The following NRG1 variants were observed in gnomAD, a reference collection of about 807,000 sequenced individuals.
NRG1 encodes pro-neuregulin-1, membrane-bound isoform.
A neutral mutation model predicts 63.8 loss-of-function variants in NRG1; 18 were observed. The ratio of observed to expected loss-of-function variants is 0.28; its 90% CI spans 0.19 to 0.42. The LOEUF (loss-of-function observed/expected upper bound fraction) is 0.42. NRG1 is among the 10% of genes least tolerant of loss of function. The pLI, the probability that NRG1 is intolerant of heterozygous loss-of-function variation, is 1.00. For missense variants in NRG1, 762 were observed against 814.7 expected (o/e 0.94, Z 0.79); for synonymous variants, 302 against 301.3 (o/e 1.00, Z -0.02).
intron 1 of NRG1, among the ~76,000 whole-genome samples, chr8:32,037,390 C>T (rs1012372960): frequency 6.6e-6 from 1 of 152,184 alleles, no homozygotes; most frequent in Non-Finnish European, 1.5e-5. Context: ...TGGGAAGTCT[C>T]ACCGACTCAG....
chr8:31,762,722 T>C (rs1817681887), intron 1 of NRG1, among the ~76,000 whole-genome samples: 1 of 152,170 alleles, frequency 6.6e-6, no homozygotes, highest in Non-Finnish European at 1.5e-5. Flanking sequence ...ACTTCCCATA[T>C]AAAGAATTCT....
At chr8:31,734,241 G>T (rs776851382) in intron 1 of NRG1, among the ~76,000 whole-genome samples, 5 of 152,162 alleles carry the variant, frequency 3.3e-5, no homozygotes, top group Non-Finnish European at 7.4e-5. Flanking sequence ...CAGGAAGATC[G>T]CTTGAGCCCA....
intron 1 of NRG1, among the ~76,000 whole-genome samples, chr8:32,493,905 T>C (rs1362573262): frequency 6.6e-6 from 1 of 152,146 alleles, no homozygotes; most frequent in Non-Finnish European, 1.5e-5. Context: ...GGTTATAAAA[T>C]CTATCCTTTT....
intron 1 of NRG1, among the ~76,000 whole-genome samples, chr8:32,272,431 T>C (rs2129472540): frequency 6.6e-6 from 1 of 152,230 alleles, no homozygotes; most frequent in African/African-American, 2.4e-5. Context: ...CTTCAACCCA[T>C]GAATTGGTAG....
At position 31,726,836 on chromosome 8, in the gene NRG1, G is replaced by A. The variant is rs1284467093; in HGVS notation, c.37+87405G>A. Among the ~76,000 whole-genome samples the A allele has an allele frequency of 3.8e-4, 58 of 152,094 alleles. 1 individual carries two copies. The highest frequency in any genetic ancestry group is 2.9e-5 in the Non-Finnish European group (2 of 68,002). On this transcript the variant is annotated intron_variant, in intron 1 of 10. Transcript: ENST00000519301. ...CAGTCATGGGATACAGGATGCCCCA[G>A]GGAGTGGGTGAAAACTTGAGGGAGA...
intron 1 of NRG1, among the ~76,000 whole-genome samples, chr8:31,733,121 T>A (rs1204115269): frequency 6.6e-6 from 1 of 151,368 alleles, no homozygotes; most frequent in Non-Finnish European, 1.5e-5. Flanking sequence ...TTCATCCATG[T>A]TGCTGCAAAA....
At chr8:32,348,515 T>A (rs1387947974) in intron 1 of NRG1, among the ~76,000 whole-genome samples, 1 of 152,246 alleles carries the variant, frequency 6.6e-6, no homozygotes, top group African/African-American at 2.4e-5. Flanking sequence ...TCTTTCTTTA[T>A]ATTTTTAGAT....
At chr8:32,381,535 C>T (rs1459349062) in intron 1 of NRG1, among the ~76,000 whole-genome samples, 2 of 152,150 alleles carry the variant, frequency 1.3e-5, no homozygotes, top group Non-Finnish European at 2.9e-5. Context: ...ATTTATGTTG[C>T]ATTTTGGAAT....
chr8:32,513,645 A>T (rs1324440568), intron 1 of NRG1, among the ~76,000 whole-genome samples: 1 of 152,158 alleles, frequency 6.6e-6, no homozygotes, highest in Non-Finnish European at 1.5e-5. Flanking sequence ...ATCCAACCAG[A>T]AGTATCATTG....
intron 1 of NRG1, among the ~76,000 whole-genome samples, chr8:32,158,943 C>T (rs750329173): frequency 1.3e-5 from 2 of 152,124 alleles, no homozygotes; most frequent in Non-Finnish European, 1.5e-5. Context: ...ACACAGGCTC[C>T]TCCCACCAGA....
At chr8:31,656,357 C>T (rs1805436784) in intron 1 of NRG1, among the ~76,000 whole-genome samples, 1 of 152,108 alleles carries the variant, frequency 6.6e-6, no homozygotes, top group South Asian at 2.1e-4. Context: ...TGACTATTGC[C>T]ACACATTTTA....
At chr8:32,485,740 T>C (rs1784697185) in intron 1 of NRG1, among the ~76,000 whole-genome samples, 1 of 152,236 alleles carries the variant, frequency 6.6e-6, no homozygotes, top group Admixed American at 6.5e-5. Flanking sequence ...GAGAAGTTGC[T>C]GCTTCTGTGG....
intron 1 of NRG1, among the ~76,000 whole-genome samples, chr8:32,389,885 C>G (rs1587306975): frequency 6.6e-6 from 1 of 152,070 alleles, no homozygotes; most frequent in East Asian, 1.9e-4. Flanking sequence ...CTCAGCCTTC[C>G]AATAACTGGG....
intron 1 of NRG1, among the ~76,000 whole-genome samples, chr8:31,777,015 A>C (rs1371380783): frequency 6.6e-6 from 1 of 152,142 alleles, no homozygotes; most frequent in Non-Finnish European, 1.5e-5. Flanking sequence ...TAGAACTAGA[A>C]ATACACGTAT....
intron 1 of NRG1, among the ~76,000 whole-genome samples, chr8:32,429,716 G>A (rs7001942): frequency 6.6e-6 from 1 of 151,968 alleles, no homozygotes; most frequent in Non-Finnish European, 1.5e-5. Context: ...ATCGCAAACA[G>A]TGTGGCCATT....
intron 1 of NRG1, among the ~76,000 whole-genome samples, chr8:32,164,877 C>A (rs1029554915): frequency 1.3e-5 from 2 of 152,100 alleles, no homozygotes; most frequent in African/African-American, 4.8e-5. Flanking sequence ...GTTATTATAT[C>A]CTGTTGCCTC....
intron 1 of NRG1, among the ~76,000 whole-genome samples, chr8:31,711,736 C>T (rs1811770526): frequency 6.6e-6 from 1 of 152,160 alleles, no homozygotes. Context: ...TTATTTCTTA[C>T]AGTTCTGGAG....
At chr8:32,551,729 CT>C in intron 1 of NRG1, among the ~76,000 whole-genome samples, 2 of 152,122 alleles carry the variant, frequency 1.3e-5, no homozygotes, top group Middle Eastern at 3.4e-3. Context: ...TCATTGATTC[CT>C]TTTCTTTGCT....
chr8:32,096,875 T>C (rs113227978), intron 1 of NRG1, among the ~76,000 whole-genome samples: 3,180 of 152,288 alleles, frequency 0.021, 129 homozygotes, highest in African/African-American at 0.072. Flanking sequence ...ATGAGGTGTA[T>C]AGAGGCAAAC....
Sources: allele counts gnomAD v4.1 joint callset (sites outside exome capture counted in the v4.1 genomes callset), GRCh38; gene constraint gnomAD v4.1.1; transcripts MANE v1.5; gene names NCBI Gene and HGNC (gene_info 2026-07-23, HGNC 2026-07-21).